CLSTN2: variants seen among roughly 807,000 people sequenced by gnomAD.
CLSTN2 encodes the protein calsyntenin 2.
In CLSTN2, 48 loss-of-function variants were observed where a neutral mutation model predicts 101.2. The ratio of observed to expected loss-of-function variants is 0.47; its 90% CI spans 0.38 to 0.60. CLSTN2 has a LOEUF of 0.60. Among genes scored for constraint, CLSTN2 ranks in the 20% least tolerant of loss-of-function variants. The probability of loss-of-function intolerance (pLI) is 0.00; values close to 1 mark genes in which losing one functional copy is unlikely to be tolerated. For missense variants in CLSTN2, 1,160 were observed against 1,238.2 expected (o/e 0.94, Z 0.95); for synonymous variants, 481 against 463.6 (o/e 1.04, Z -0.48).
chr3:140,375,803 A>C (rs1011098079), intron 2 of CLSTN2, among the ~76,000 whole-genome samples: 4 of 152,130 alleles, frequency 2.6e-5, no homozygotes, highest in African/African-American at 9.7e-5. Flanking sequence ...TTGATAACTT[A>C]CTATTCCTTT....
chr3:140,485,328 G>A (rs1010759309), intron 8 of CLSTN2, among the ~76,000 whole-genome samples: 16 of 152,328 alleles, frequency 1.1e-4, no homozygotes, highest in African/African-American at 3.6e-4. Flanking sequence ...TTTTGTCTCA[G>A]AGGGGTACCC....
At chr3:140,086,563 A>G (rs1164285305) in intron 1 of CLSTN2, among the ~76,000 whole-genome samples, 1 of 152,238 alleles carries the variant, frequency 6.6e-6, no homozygotes, top group Non-Finnish European at 1.5e-5. Context: ...TTACAAATAC[A>G]TATCCGTGAC....
chr3:140,269,053 C>CT lies in CLSTN2; in HGVS notation c.232+92982dup, dbSNP rs1199191933. 2.6e-5 allele frequency among the ~76,000 whole-genome samples: 4 copies of CT among 152,264 alleles called. No homozygotes were observed. The East Asian group carries it at 7.7e-4, about 29-fold the overall frequency. On this transcript the variant is annotated intron_variant, in intron 2 of 16. Transcript: ENST00000458420. ...AGTGAGTTAACATTCCATAGTGCCT[C>CT]TTGTCTTCTTGCTTCTCTCACATCT...
At chr3:140,263,992 ACT>A (rs1195066055) in intron 2 of CLSTN2, among the ~76,000 whole-genome samples, 1 of 152,034 alleles carries the variant, frequency 6.6e-6, no homozygotes, top group African/African-American at 2.4e-5. Context: ...AATTATCTGT[ACT>A]CTCACTATCA....
intron 2 of CLSTN2, among the ~76,000 whole-genome samples, chr3:140,339,930 C>T (rs145930088): frequency 6.6e-6 from 1 of 152,324 alleles, no homozygotes; most frequent in East Asian, 1.9e-4. Context: ...CTGACACTGG[C>T]TCCACCACAC....
intron 2 of CLSTN2, among the ~76,000 whole-genome samples, chr3:140,206,593 G>T (rs2010786031): frequency 6.6e-6 from 1 of 152,150 alleles, no homozygotes; most frequent in Admixed American, 6.5e-5. Context: ...ACCTAAATTA[G>T]CTCCCCAAAG....
At chr3:140,466,936 G>A (rs1371463339) in intron 8 of CLSTN2, among the ~76,000 whole-genome samples, 1 of 152,168 alleles carries the variant, frequency 6.6e-6, no homozygotes, top group Non-Finnish European at 1.5e-5. Context: ...AAAGGGATAC[G>A]CTTCCCAGCT....
chr3:140,449,105 G>A (rs1419612084), intron 6 of CLSTN2, among the ~76,000 whole-genome samples: 1 of 152,192 alleles, frequency 6.6e-6, no homozygotes, highest in African/African-American at 2.4e-5. Flanking sequence ...AGTAGTGTCA[G>A]TCACCTGGAA....
At chr3:140,134,908 T>C (rs918374859) in intron 1 of CLSTN2, among the ~76,000 whole-genome samples, 7 of 151,942 alleles carry the variant, frequency 4.6e-5, no homozygotes, top group African/African-American at 1.7e-4. Context: ...CTAAGCTGGC[T>C]TGTTAAAAGA....
At chr3:140,109,934 G>T (rs1053714186) in intron 1 of CLSTN2, among the ~76,000 whole-genome samples, 2 of 152,082 alleles carry the variant, frequency 1.3e-5, no homozygotes. Flanking sequence ...TGTGTTAAAA[G>T]CACCCCAGGT....
chr3:139,949,209 G>A (rs751959108), intron 1 of CLSTN2, among the ~76,000 whole-genome samples: 2 of 152,100 alleles, frequency 1.3e-5, no homozygotes, highest in African/African-American at 2.4e-5. Flanking sequence ...ACCTATCTGC[G>A]CCTCACTAGA....
chr3:140,174,083 T>C (rs1456584656), intron 1 of CLSTN2, among the ~76,000 whole-genome samples: 1 of 152,208 alleles, frequency 6.6e-6, no homozygotes, highest in Non-Finnish European at 1.5e-5. Context: ...TTTTCAAACT[T>C]ATCTGCTCTG....
At chr3:140,249,462 G>T (rs144876244) in intron 2 of CLSTN2, among the ~76,000 whole-genome samples, 1 of 152,132 alleles carries the variant, frequency 6.6e-6, no homozygotes, top group Non-Finnish European at 1.5e-5. Flanking sequence ...GCAAGGTTGG[G>T]GCAGGTCATG....
At chr3:140,005,469 C>T (rs894858497) in intron 1 of CLSTN2, among the ~76,000 whole-genome samples, 39 of 152,158 alleles carry the variant, frequency 2.6e-4, no homozygotes, top group Admixed American at 1.2e-3. Flanking sequence ...CCTAGATCTT[C>T]GTTCACCCCC....
intron 1 of CLSTN2, among the ~76,000 whole-genome samples, chr3:140,068,430 A>T (rs2008335188): frequency 6.6e-6 from 1 of 152,232 alleles, no homozygotes; most frequent in Admixed American, 6.5e-5. Flanking sequence ...CCTACTCCAG[A>T]TGGACTCAAA....
chr3:140,481,789 C>T (rs1467103445), intron 8 of CLSTN2, among the ~76,000 whole-genome samples: 1 of 152,168 alleles, frequency 6.6e-6, no homozygotes, highest in Non-Finnish European at 1.5e-5. Flanking sequence ...GATTTTTGCA[C>T]ATTGATTTTG....
At chr3:140,161,087 A>G (rs538904234) in intron 1 of CLSTN2, among the ~76,000 whole-genome samples, 5 of 152,246 alleles carry the variant, frequency 3.3e-5, no homozygotes, top group African/African-American at 9.6e-5. Context: ...CAAAGGTCTC[A>G]GTTAGCAATT....
At chr3:140,063,312 A>G (rs1418524507) in intron 1 of CLSTN2, among the ~76,000 whole-genome samples, 1 of 152,196 alleles carries the variant, frequency 6.6e-6, no homozygotes, top group African/African-American at 2.4e-5. Context: ...ACCCTGGGCT[A>G]GATGGTATTG....
At chr3:140,419,700 AAT>A (rs1431760656) in intron 4 of CLSTN2, among the ~76,000 whole-genome samples, 1 of 63,210 alleles carries the variant, frequency 1.6e-5, no homozygotes, top group Non-Finnish European at 2.5e-5. Context: ...TACGTATATG[AAT>A]ATGTATATAT....
Sources: allele counts gnomAD v4.1 joint callset (sites outside exome capture counted in the v4.1 genomes callset), GRCh38; gene constraint gnomAD v4.1.1; transcripts MANE v1.5; gene names NCBI Gene and HGNC (gene_info 2026-07-23, HGNC 2026-07-21).